ARHGAP26: variants seen among roughly 807,000 people sequenced by gnomAD.
The protein encoded by ARHGAP26 is Rho GTPase activating protein 26, also known as rho GTPase-activating protein 26.
ARHGAP26 carries 38 observed loss-of-function variants against 104.8 expected under a neutral mutation model. The observed-to-expected ratio is 0.36, with a 90% CI of 0.28 to 0.48. The LOEUF (loss-of-function observed/expected upper bound fraction) is 0.48, where lower values mean the gene tolerates loss of function less well. Ranked by LOEUF, ARHGAP26 falls within the 20% of genes least tolerant of loss-of-function variation. The probability of loss-of-function intolerance (pLI) is 0.99; values close to 1 mark genes in which losing one functional copy is unlikely to be tolerated. For synonymous variants in ARHGAP26, 341 were observed against 340.0 expected, an observed-to-expected ratio of 1.00 and a Z score of -0.03; for missense variants, 704 against 947.9, an observed-to-expected ratio of 0.74 and a Z score of 3.38.
chr5:143,080,863 G>A (rs1020402481), intron 17 of ARHGAP26, among the ~76,000 whole-genome samples: 2 of 152,168 alleles, frequency 1.3e-5, no homozygotes, highest in South Asian at 2.1e-4. Context: ...TGTGGTGTTG[G>A]GGAGGCTGAA....
At chr5:142,858,734 ACACTCAAAGAGATTAC>A (rs1242157220) in intron 1 of ARHGAP26, among the ~76,000 whole-genome samples, 1 of 152,190 alleles carries the variant, frequency 6.6e-6, no homozygotes, top group African/African-American at 2.4e-5. Flanking sequence ...AACAGTCACC[ACACTCAAAGAGATTAC>A]CAATTGAAGG....
chr5:143,191,907 C>A (rs1311000793), intron 20 of ARHGAP26, among the ~76,000 whole-genome samples: 1 of 152,234 alleles, frequency 6.6e-6, no homozygotes, highest in Non-Finnish European at 1.5e-5. Flanking sequence ...GTCGTGACAA[C>A]ACCAGAATGA....
chr5:143,165,608 G>T (rs1031502048), intron 20 of ARHGAP26, among the ~76,000 whole-genome samples: 2 of 152,108 alleles, frequency 1.3e-5, no homozygotes, highest in Non-Finnish European at 2.9e-5. Context: ...GTGTAGGTTT[G>T]TTACGTGGGT....
intron 1 of ARHGAP26, among the ~76,000 whole-genome samples, chr5:142,839,988 G>A (rs144079246): frequency 6.6e-6 from 1 of 152,254 alleles, no homozygotes; most frequent in East Asian, 1.9e-4. Flanking sequence ...GGTTGAGGCA[G>A]TTGCAGTGGT....
At chr5:142,867,423 C>T (rs1361619855) in intron 1 of ARHGAP26, among the ~76,000 whole-genome samples, 1 of 151,794 alleles carries the variant, frequency 6.6e-6, no homozygotes, top group Non-Finnish European at 1.5e-5. Context: ...TGAAGCACAT[C>T]GAACTAGGTT....
At chr5:142,974,317 G>T (rs1459913167) in intron 11 of ARHGAP26, among the ~76,000 whole-genome samples, 2 of 151,702 alleles carry the variant, frequency 1.3e-5, no homozygotes, top group Non-Finnish European at 2.9e-5. Flanking sequence ...GCAACCATCA[G>T]GCAGGAAGGG....
At chr5:143,215,830 T>C (rs752404856) in intron 22 of ARHGAP26, among the ~76,000 whole-genome samples, 1 of 152,234 alleles carries the variant, frequency 6.6e-6, no homozygotes, top group Non-Finnish European at 1.5e-5. Flanking sequence ...ATGGTATGGA[T>C]ATAGCACATT....
chr5:143,053,263 A>G (rs1356213697), intron 14 of ARHGAP26, among the ~76,000 whole-genome samples: 1 of 152,172 alleles, frequency 6.6e-6, no homozygotes, highest in Non-Finnish European at 1.5e-5. Flanking sequence ...GAGTTGATAT[A>G]CTTTTGGCCA....
chr5:142,952,475 C>A lies in ARHGAP26; in HGVS notation c.1107+20350C>A, dbSNP rs139060525. On this transcript the variant is annotated intron_variant, in intron 11 of 22. Coordinates refer to ENST00000645722, the MANE Select transcript of ARHGAP26 (RefSeq NM_001135608.3). ...CATTCCCCCTCAACATCCTATGTAC[C>A]GTAGTGTGTCTGCAAACAGAGGAAA... Among the ~76,000 whole-genome samples, 383 of 152,150 alleles carry A rather than the reference C, an allele frequency of 2.5e-3. 1 individual carries two copies. The highest frequency in any genetic ancestry group is 8.9e-3 in the African/African-American group (371 of 41,504).
intron 20 of ARHGAP26, among the ~76,000 whole-genome samples, chr5:143,156,887 A>T (rs1271922134): frequency 6.6e-6 from 1 of 152,266 alleles, no homozygotes; most frequent in Non-Finnish European, 1.5e-5. Context: ...AAGCCCAGTC[A>T]GCTGCTTCGC....
chr5:142,975,707 T>G (rs1772974586), intron 11 of ARHGAP26, among the ~76,000 whole-genome samples: 2 of 152,174 alleles, frequency 1.3e-5, no homozygotes, highest in Non-Finnish European at 2.9e-5. Flanking sequence ...GTGTGTATAC[T>G]TGTGTATACT....
chr5:142,775,570 A>ATGT (rs1756148220), intron 1 of ARHGAP26, among the ~76,000 whole-genome samples: 2 of 151,996 alleles, frequency 1.3e-5, no homozygotes, highest in African/African-American at 4.8e-5. Context: ...TATAATTACT[A>ATGT]TCTCTTTCGA....
At chr5:143,138,574 C>A (rs968099010) in intron 19 of ARHGAP26, among the ~76,000 whole-genome samples, 1 of 152,132 alleles carries the variant, frequency 6.6e-6, no homozygotes, top group African/African-American at 2.4e-5. Flanking sequence ...TAGATAGGAA[C>A]GGTGGTCTGT....
At position 143,121,112 on chromosome 5, in the gene ARHGAP26, A is replaced by G. The variant is rs755992247; in HGVS notation, c.1663A>G (p.Ile555Val). The G allele has an allele frequency of 1.9e-6, 3 of 1,613,664 alleles. No individual in the cohort carries two copies. The highest frequency in any genetic ancestry group is 3.3e-5 in the Admixed American group (2 of 59,992). ...CATCATGGACATCAAATTTCAGAAC[A>G]TTGTCATTGAGATCCTAATAGAAAA... ...AAIMDIKFQN[I>V]VIEILIENHE... Residue 555 changes from isoleucine (I) to valine (V), a missense_variant, in exon 18 of 23, where the codon ATT becomes GTT. By Grantham distance (29) the Ile-to-Val change is conservative. Coordinates refer to ENST00000645722, the MANE Select transcript of ARHGAP26 (RefSeq NM_001135608.3).
chr5:143,100,688 G>GT (rs1793088664), intron 17 of ARHGAP26, among the ~76,000 whole-genome samples: 1 of 152,214 alleles, frequency 6.6e-6, no homozygotes, highest in Non-Finnish European at 1.5e-5. Flanking sequence ...TGCTGGCTTT[G>GT]TGGGCAGGAA....
At chr5:143,160,971 ACCAG>A (rs1175660801) in intron 20 of ARHGAP26, among the ~76,000 whole-genome samples, 1 of 151,164 alleles carries the variant, frequency 6.6e-6, no homozygotes, top group Non-Finnish European at 1.5e-5. Context: ...GCTGAGTAGA[ACCAG>A]TTAGACCCCA....
intron 20 of ARHGAP26, among the ~76,000 whole-genome samples, chr5:143,173,312 G>A (rs763277899): frequency 1.3e-5 from 2 of 152,096 alleles, no homozygotes; most frequent in Non-Finnish European, 2.9e-5. Flanking sequence ...CTAGGATTAC[G>A]AGCATGAGCC....
At chr5:142,823,161 C>T (rs1766533867) in intron 1 of ARHGAP26, among the ~76,000 whole-genome samples, 1 of 152,140 alleles carries the variant, frequency 6.6e-6, no homozygotes, top group Non-Finnish European at 1.5e-5. Context: ...GAAGGTGGAG[C>T]TGAGGGTGGA....
At chr5:142,916,374 C>T (rs1762487487) in intron 10 of ARHGAP26, among the ~76,000 whole-genome samples, 1 of 152,172 alleles carries the variant, frequency 6.6e-6, no homozygotes, top group Non-Finnish European at 1.5e-5. Flanking sequence ...TACCGTACAT[C>T]AACGTATTTT....
Sources: gnomAD v4.1 joint callset for allele counts (sites outside exome capture counted in the v4.1 genomes callset) on GRCh38, gnomAD v4.1.1 for gene constraint, MANE v1.5 for transcripts, NCBI Gene and HGNC (gene_info 2026-07-23, HGNC 2026-07-21) for gene names.